The following PPM1B variants were observed in gnomAD, a reference collection of about 807,000 sequenced individuals.
PPM1B encodes the protein protein phosphatase, Mg2+/Mn2+ dependent 1B.
PPM1B carries 22 observed loss-of-function variants against 43.0 expected under a neutral mutation model. The ratio of observed to expected loss-of-function variants is 0.51; its 90% confidence interval spans 0.37 to 0.73. PPM1B has a LOEUF of 0.73. Ranked by LOEUF, PPM1B falls within the 30% of genes least tolerant of loss-of-function variation. The probability of loss-of-function intolerance (pLI) is 0.00; values close to 1 mark genes in which losing one functional copy is unlikely to be tolerated. For synonymous variants in PPM1B, 217 were observed against 197.9 expected (o/e 1.10, Z -0.81); for missense variants, 632 against 584.2 (o/e 1.08, Z -0.84).
intron 5 of PPM1B, among the ~76,000 whole-genome samples, chr2:44,229,272 A>T (rs559195761): frequency 2.7e-3 from 404 of 152,198 alleles, no homozygotes; most frequent in Middle Eastern, 0.01. Flanking sequence ...ATTTATTTTT[A>T]ATTTTTGTGG....
intron 5 of PPM1B, among the ~76,000 whole-genome samples, chr2:44,226,505 C>T (rs1346380557): frequency 6.6e-6 from 1 of 152,144 alleles, no homozygotes; most frequent in Non-Finnish European, 1.5e-5. Context: ...ATCAGTGATT[C>T]TCAACCCTGG....
chr2:44,223,742 G>C (rs1471858693), intron 5 of PPM1B, among the ~76,000 whole-genome samples: 1 of 147,598 alleles, frequency 6.8e-6, no homozygotes, highest in Non-Finnish European at 1.5e-5. Context: ...TGTGAACCTG[G>C]GAGGTGGAGC....
intron 5 of PPM1B, among the ~76,000 whole-genome samples, chr2:44,226,421 G>A (rs905117709): frequency 2.6e-5 from 4 of 152,062 alleles, no homozygotes; most frequent in African/African-American, 9.7e-5. Flanking sequence ...ACCCAAATAC[G>A]ACAAATGGAA....
chr2:44,227,901 C>CT (rs1048354758), intron 5 of PPM1B, among the ~76,000 whole-genome samples: 28 of 142,040 alleles, frequency 2.0e-4, no homozygotes, highest in African/African-American at 6.4e-4. Context: ...AAAACAAGCA[C>CT]TTTTTTTTTC....
intron 5 of PPM1B, among the ~76,000 whole-genome samples, chr2:44,221,071 C>CA (rs1669958517): frequency 6.6e-6 from 1 of 151,810 alleles, no homozygotes; most frequent in Admixed American, 6.6e-5. Flanking sequence ...ATGATAGATT[C>CA]AAAAAAATAT....
At chr2:44,225,739 C>T (rs935544463) in intron 5 of PPM1B, among the ~76,000 whole-genome samples, 2 of 152,158 alleles carry the variant, frequency 1.3e-5, no homozygotes, top group East Asian at 1.9e-4. Context: ...TCACTGTAAC[C>T]TCTGCCTTCC....
intron 1 of PPM1B, among the ~76,000 whole-genome samples, chr2:44,182,315 A>G (rs1412868393): frequency 6.6e-6 from 1 of 152,056 alleles, no homozygotes; most frequent in Admixed American, 6.5e-5. Flanking sequence ...GCTGGAGTGC[A>G]ATGACATGAT....
intron 1 of PPM1B, among the ~76,000 whole-genome samples, chr2:44,186,685 C>G (rs61602254): frequency 0.043 from 6,530 of 152,302 alleles, 457 homozygotes; most frequent in African/African-American, 0.15. Flanking sequence ...TGATTTTTAA[C>G]TAAAAGGTTT....
At chr2:44,208,440 C>T (rs995679022) in intron 2 of PPM1B, among the ~76,000 whole-genome samples, 4 of 151,972 alleles carry the variant, frequency 2.6e-5, no homozygotes, top group Non-Finnish European at 5.9e-5. Context: ...GGGCTGGGCG[C>T]GGTGGCTCAT....
intron 2 of PPM1B, among the ~76,000 whole-genome samples, chr2:44,203,682 C>T (rs971443055): frequency 2.0e-5 from 3 of 152,048 alleles, no homozygotes; most frequent in Non-Finnish European, 2.9e-5. Context: ...CTGCCTTTTC[C>T]AACAATATAT....
At position 44,177,112 on chromosome 2, in the gene PPM1B, G is replaced by C. The variant is rs902606718; in HGVS notation, c.-15+7838G>C. ...ATTTTTAATGTATTTTTGTAATTCT[G>C]TTACTTTATCAAAATGCTGATATGC... On this transcript the variant is annotated intron_variant, in intron 1 of 5. Transcript: ENST00000282412. Among the ~76,000 whole-genome samples, 5 of 152,150 alleles carry C rather than the reference G, an allele frequency of 3.3e-5. No homozygotes were observed. The East Asian group carries it at 5.8e-4, about 18-fold the overall frequency.
intron 5 of PPM1B, among the ~76,000 whole-genome samples, chr2:44,241,833 T>C (rs1670750909): frequency 6.6e-6 from 1 of 150,460 alleles, no homozygotes; most frequent in African/African-American, 2.4e-5. Flanking sequence ...TAAAAACCTG[T>C]TATAATAAGT....
At chr2:44,238,125 ACTC>A (rs1275942448), downstream of PPM1B, among the ~76,000 whole-genome samples, 4 of 150,126 alleles carry the variant, frequency 2.7e-5, no homozygotes, top group African/African-American at 7.4e-5. Flanking sequence ...CTAGTCTTGA[ACTC>A]CTGACCTTGG....
intron 1 of PPM1B, among the ~76,000 whole-genome samples, chr2:44,191,971 C>A (rs1315193885): frequency 1.3e-5 from 2 of 151,734 alleles, no homozygotes; most frequent in Admixed American, 1.3e-4. Context: ...CTTTCCTTTT[C>A]TTGTTCTTTC....
intron 1 of PPM1B, among the ~76,000 whole-genome samples, chr2:44,179,498 T>A (rs1028004431): frequency 1.3e-5 from 2 of 152,210 alleles, no homozygotes; most frequent in African/African-American, 2.4e-5. Context: ...CTCTCTCTTT[T>A]TTTTAATCTA....
In PPM1B at chr2:44,230,242, G is replaced by C. The variant is rs148072434; in HGVS notation, c.1135-171G>C. On this transcript the variant is annotated intron_variant, in intron 5 of 5. Coordinates refer to ENST00000282412, the MANE Select transcript of PPM1B (RefSeq NM_002706.6). ...TTAAAATGACTTGAGATTATTATTG[G>C]AAGTTTTTATTAATTGATACAGGTA... The C allele has an allele frequency of 4.1e-4, 579 of 1,421,078 alleles. No individual in the cohort carries two copies. In the African/African-American group the frequency reaches 7.9e-3, roughly 19 times the overall value. 88.0% of individuals were successfully genotyped at this position (1,421,078 alleles called of 1,614,324 possible). A position where few individuals can be genotyped will look rare whatever the true frequency, so the allele number is the denominator to read the frequency against.
intron 3 of PPM1B, among the ~76,000 whole-genome samples, chr2:44,212,680 C>G (rs1572732339): frequency 6.6e-6 from 1 of 151,816 alleles, no homozygotes; most frequent in Non-Finnish European, 1.5e-5. Flanking sequence ...CCAGTTCATC[C>G]TAGGATTTGC....
chr2:44,240,856 G>A (rs1260461380), intron 5 of PPM1B, among the ~76,000 whole-genome samples: 3 of 145,920 alleles, frequency 2.1e-5, no homozygotes, highest in Non-Finnish European at 3.1e-5. Flanking sequence ...GCTTCCTTAC[G>A]CAGTGAGCTG....
At position 44,230,890 on chromosome 2, in the gene PPM1B, T is replaced by C; in HGVS notation, c.*172T>C. 2 of 1,350,836 alleles carry C rather than the reference T, an allele frequency of 1.5e-6. No individual in the cohort carries two copies. Among genetic ancestry groups the C allele is most frequent in the Non-Finnish European group, 1.9e-6 (2 of 1,036,492 alleles). The allele number at this position is 1,350,836 out of a possible 1,614,324, so 83.7% of individuals were successfully genotyped here. On this transcript the variant is annotated 3_prime_UTR_variant, in exon 6 of 6. Transcript: ENST00000282412. Reference sequence around the variant, plus strand: ...TTGCATACACCTTTATGAGATAGTGTAAAATTGACTATTTATAGTACTATG... The same window carrying C: ...TTGCATACACCTTTATGAGATAGTGCAAAATTGACTATTTATAGTACTATG...
Sources: allele counts gnomAD v4.1 joint callset (sites outside exome capture counted in the v4.1 genomes callset), GRCh38; gene constraint gnomAD v4.1.1; transcripts MANE v1.5; gene names NCBI Gene and HGNC (gene_info 2026-07-23, HGNC 2026-07-21).